Variants in ADGRD1 observed in about 807,000 individuals in gnomAD.
The protein encoded by ADGRD1 is adhesion G protein-coupled receptor D1, also known as G-protein coupled receptor 133.
ADGRD1 carries 77 observed loss-of-function variants against 113.4 expected under a neutral mutation model. That is an observed-to-expected ratio of 0.68 (90% CI 0.57 to 0.82). The LOEUF is 0.82. Among genes scored for constraint, ADGRD1 ranks in the 40% least tolerant of loss-of-function variants. ADGRD1 has a pLI of 0.00. For synonymous variants in ADGRD1, 474 were observed against 475.0 expected (o/e 1.00, Z 0.03); for missense variants, 1,036 against 1,139.1 (o/e 0.91, Z 1.30).
chr12:131,141,194 T>C lies in ADGRD1; in HGVS notation c.*1931T>C, dbSNP rs1034867919. ...TTAGATGGAATTATTTGTTTTTAAT[T>C]GTTGCCGTATTCATCTATATAGCTA... is the stretch of plus-strand genomic sequence containing the variant. On this transcript the variant is annotated 3_prime_UTR_variant, in exon 25 of 25. Transcript: ENST00000261654. 1.3e-5 allele frequency: 2 copies of C among 152,260 alleles called. No individual in the cohort carries two copies. The highest frequency in any genetic ancestry group is 2.9e-5 in the Non-Finnish European group (2 of 68,042). The allele number at this position is 152,260 out of a possible 1,614,324, so 9.4% of individuals were successfully genotyped here. A position where few individuals can be genotyped will look rare whatever the true frequency, so the allele number is the denominator to read the frequency against.
intron 18 of ADGRD1, among the ~76,000 whole-genome samples, chr12:131,116,527 G>C (rs552581047): frequency 5.4e-4 from 82 of 152,376 alleles, no homozygotes; most frequent in African/African-American, 1.9e-3. Context: ...GCACTGGAGG[G>C]CTGCGGCCTG....
At chr12:130,994,168 G>A (rs894708085) in intron 8 of ADGRD1, 4 of 388,920 alleles carry the variant, frequency 1.0e-5, no homozygotes, top group Admixed American at 5.3e-5. Context: ...AGGACCCGCG[G>A]GGTGTTGGGT....
At chr12:131,076,777 C>T (rs1198505893) in intron 13 of ADGRD1, 24 bp from the exon 14 acceptor site, 5 of 1,607,382 alleles carry the variant, frequency 3.1e-6, no homozygotes, top group South Asian at 1.1e-5. Context: ...CGTCATGCAT[C>T]GTGTTTGCTT....
chr12:130,984,902 TCTCTCTCA>T lies in ADGRD1; in HGVS notation c.491-2185_491-2178del, dbSNP rs1873454971. Among the ~76,000 whole-genome samples the T allele has an allele frequency of 6.7e-6, 1 of 148,736 alleles. No individual in the cohort carries two copies. Among genetic ancestry groups the T allele is most frequent in the South Asian group, 2.2e-4 (1 of 4,474 alleles). ...CCTTCCTTCTTTCTTCTCTTCTCTC[TCTCTCTCA>T]CTCTCTCTCTCCTCTCTTCTCTCTT... is the stretch of plus-strand genomic sequence containing the variant. On this transcript the variant is annotated intron_variant, in intron 5 of 24. Transcript: ENST00000261654. This position sits in a 1 kb window ranked among gnomAD's most constrained non-coding sequence, Gnocchi z 4.1.
At chr12:131,012,861 G>A (rs547437737) in intron 12 of ADGRD1, among the ~76,000 whole-genome samples, 24 of 152,286 alleles carry the variant, frequency 1.6e-4, no homozygotes, top group African/African-American at 5.1e-4. Context: ...CACAGGACCC[G>A]GGTGAGGCCC....
At chr12:131,066,883 T>C (rs1884762047) in intron 13 of ADGRD1, among the ~76,000 whole-genome samples, 1 of 152,072 alleles carries the variant, frequency 6.6e-6, no homozygotes, top group Non-Finnish European at 1.5e-5. Context: ...TACGGGCAGA[T>C]CTTTCCGGGC....
chr12:131,075,339 T>C lies in ADGRD1; in HGVS notation c.1474-1462T>C, dbSNP rs1885511651. Among the ~76,000 whole-genome samples the C allele has an allele frequency of 6.6e-6, 1 of 151,584 alleles. No homozygotes were observed. Among genetic ancestry groups the C allele is most frequent in the South Asian group, 2.1e-4 (1 of 4,798 alleles). The stretch of plus-strand genomic sequence containing the variant: ...CTATTATGTGAGGTTGGTGCTGCAG[T>C]TTTCCTGCTGATGCCCCTCTGTGGT... On this transcript the variant is annotated intron_variant, in intron 13 of 24. Transcript: ENST00000261654. This position sits in a 1 kb window ranked among gnomAD's most constrained non-coding sequence, Gnocchi z 5.3.
chr12:131,001,025 G>GT (rs770698867), intron 9 of ADGRD1, among the ~76,000 whole-genome samples: 85 of 152,208 alleles, frequency 5.6e-4, no homozygotes, highest in Non-Finnish European at 9.6e-4. Context: ...GGAAATGATG[G>GT]TTTTTTCCCC....
intron 13 of ADGRD1, among the ~76,000 whole-genome samples, chr12:131,072,055 G>A: frequency 6.6e-6 from 1 of 150,552 alleles, no homozygotes; most frequent in East Asian, 1.9e-4. Context: ...AGATCCCCAC[G>A]CAATTCAGAG....
Position 131,118,504 on chromosome 12 carries a change from T to G in ADGRD1, c.2108+53T>G. 3 of 1,371,474 alleles carry G rather than the reference T, an allele frequency of 2.2e-6. No homozygotes were observed. The South Asian group carries it at 3.8e-5, about 18-fold the overall frequency. 85.0% of individuals were successfully genotyped at this position (1,371,474 alleles called of 1,614,324 possible). A position where few individuals can be genotyped will look rare whatever the true frequency, so the allele number is the denominator to read the frequency against. The stretch of plus-strand genomic sequence containing the variant: ...GGCAGGCGTTCCATGGAACAGCTTG[T>G]GGCGAGAGCCCCGTGGCTCTTGCCT... On this transcript the variant is annotated intron_variant, in intron 19 of 24. Transcript: ENST00000261654.
In ADGRD1 at chr12:131,075,365, C is replaced by T. The variant is rs1261359406; in HGVS notation, c.1474-1436C>T. On this transcript the variant is annotated intron_variant, in intron 13 of 24. Coordinates refer to ENST00000261654, the MANE Select transcript of ADGRD1 (RefSeq NM_198827.5). This position sits in a 1 kb window ranked among gnomAD's most constrained non-coding sequence, Gnocchi z 5.3. ...TTTCCTGCTGATGCCCCTCTGTGGT[C>T]CTGGTGGCTGCAGGACACAGGGCCC... is the stretch of plus-strand genomic sequence containing the variant. Among the ~76,000 whole-genome samples the T allele has an allele frequency of 1.3e-5, 2 of 151,928 alleles. No homozygotes were observed. Among genetic ancestry groups the T allele is most frequent in the African/African-American group, 4.8e-5 (2 of 41,346 alleles).
intron 20 of ADGRD1, chr12:131,121,822 A>C (rs536794487): frequency 2.0e-5 from 3 of 152,286 alleles, no homozygotes; most frequent in East Asian, 3.9e-4. Context: ...ATGGAAACGG[A>C]GGCTTTTTCC....
intron 2 of ADGRD1, among the ~76,000 whole-genome samples, chr12:130,959,191 T>G (rs1268998748): frequency 6.6e-6 from 1 of 152,246 alleles, no homozygotes; most frequent in African/African-American, 2.4e-5. Flanking sequence ...CTGTAGTATT[T>G]TGTTAAAGGT....
In ADGRD1 at chr12:130,971,524, A is replaced by G. The variant is rs199848650; in HGVS notation, c.254A>G (p.Tyr85Cys). 44 of 1,613,658 alleles carry G rather than the reference A, an allele frequency of 2.7e-5. No individual in the cohort carries two copies. The highest frequency in any genetic ancestry group is 3.3e-5 in the Admixed American group (2 of 59,962). The change falls in exon 4 of 25, where the codon TAT becomes TGT. Residue 85 changes from tyrosine (Y) to cysteine (C), a missense_variant. Physicochemically the swap from Tyr to Cys is radical, Grantham distance 194. Transcript: ENST00000261654. The surrounding 1 kb of genome is among the most constrained non-coding windows in gnomAD (Gnocchi z 4.2). The part of the protein sequence containing the change: ...LKEEKGVTLL[Y>C]YGRYNSSCIS... ...GAGGAAAAGGGAGTCACGCTTCTCT[A>G]TTACGGCAGGTACAACAGCTCCTGC...
At chr12:131,092,410 T>A (rs1325181636) in intron 15 of ADGRD1, among the ~76,000 whole-genome samples, 1 of 152,152 alleles carries the variant, frequency 6.6e-6, no homozygotes, top group East Asian at 1.9e-4. Context: ...GGTGGTCTGG[T>A]TGTCTAAGGT....
At chr12:131,007,782 C>T (rs1427309983) in intron 12 of ADGRD1, among the ~76,000 whole-genome samples, 1 of 152,210 alleles carries the variant, frequency 6.6e-6, no homozygotes, top group Non-Finnish European at 1.5e-5. Flanking sequence ...GGCTGTGCAG[C>T]GATGGAACAT....
At chr12:131,107,016 G>C (rs561125328) in intron 17 of ADGRD1, among the ~76,000 whole-genome samples, 1 of 152,234 alleles carries the variant, frequency 6.6e-6, no homozygotes, top group Non-Finnish European at 1.5e-5. Context: ...TGGGGAGCAA[G>C]GTCCCACTGT....
chr12:131,105,656 G>A, intron 16 of ADGRD1, 98 bp from the exon 17 acceptor site: 1 of 829,102 alleles, frequency 1.2e-6, no homozygotes, highest in South Asian at 1.5e-5. Flanking sequence ...GGCTGCTCTT[G>A]GAGGAATGGA....
At chr12:131,138,011 A>G in intron 23 of ADGRD1, 126 bp from the exon 24 acceptor site, 3 of 731,120 alleles carry the variant, frequency 4.1e-6, no homozygotes, top group Non-Finnish European at 7.2e-6. Context: ...AGCAGCTCCG[A>G]CTCATATTTC....
Sources: gnomAD v4.1 joint callset for allele counts (sites outside exome capture counted in the v4.1 genomes callset) on GRCh38, gnomAD v4.1.1 for gene constraint, Gnocchi (gnomAD v3.1) non-coding constraint, MANE v1.5 for transcripts, NCBI Gene and HGNC (gene_info 2026-07-23, HGNC 2026-07-21) for gene names.